The following ATG5 variants were observed in gnomAD, a reference collection of about 807,000 sequenced individuals.
The protein encoded by ATG5 is autophagy related 5.
A neutral mutation model predicts 36.5 loss-of-function variants in ATG5; 14 were observed. The observed-to-expected ratio is 0.38, with a 90% CI of 0.25 to 0.60. The LOEUF (loss-of-function observed/expected upper bound fraction) is 0.60. Ranked by LOEUF, ATG5 falls within the 20% of genes least tolerant of loss-of-function variation. ATG5 has a pLI of 0.60. For missense variants in ATG5, 195 were observed against 326.7 expected, an observed-to-expected ratio of 0.60 and a Z score of 3.11; for synonymous variants, 95 against 101.5, an observed-to-expected ratio of 0.94 and a Z score of 0.38.
chr6:106,251,805 T>C (rs898155151), intron 5 of ATG5, among the ~76,000 whole-genome samples: 3 of 150,806 alleles, frequency 2.0e-5, no homozygotes, highest in South Asian at 2.1e-4. Flanking sequence ...AGTGTTGAGA[T>C]TGAAGGAATA....
intron 6 of ATG5, among the ~76,000 whole-genome samples, chr6:106,214,743 C>T (rs1055285813): frequency 1.3e-5 from 2 of 152,116 alleles, no homozygotes; most frequent in Non-Finnish European, 2.9e-5. Context: ...GACTGAATAA[C>T]GTGTGGTACA....
chr6:106,189,398 A>T (rs1775887994), intron 7 of ATG5, among the ~76,000 whole-genome samples: 1 of 152,094 alleles, frequency 6.6e-6, no homozygotes, highest in Admixed American at 6.6e-5. Flanking sequence ...TGAGCCCAGG[A>T]ATTTGAGACC....
chr6:106,321,868 T>G (rs1164265111), intron 1 of ATG5, among the ~76,000 whole-genome samples: 1 of 152,184 alleles, frequency 6.6e-6, no homozygotes, highest in Non-Finnish European at 1.5e-5. Context: ...ATCACCAATA[T>G]TAGTACAGTT....
chr6:106,230,891 T>C (rs1234996856), intron 6 of ATG5, among the ~76,000 whole-genome samples: 1 of 152,130 alleles, frequency 6.6e-6, no homozygotes, highest in Non-Finnish European at 1.5e-5. Context: ...GTGTGAAGTG[T>C]CATACGTACA....
intron 5 of ATG5, among the ~76,000 whole-genome samples, chr6:106,254,045 C>T (rs771950704): frequency 6.6e-6 from 1 of 152,164 alleles, no homozygotes; most frequent in Non-Finnish European, 1.5e-5. Flanking sequence ...AAGTTACTAC[C>T]TACCTTACTT....
rs1047078625 is a variant in ATG5 at position 106,185,299 on chromosome 6, G to A, written c.*1241C>T. On this transcript the variant is annotated 3_prime_UTR_variant, in exon 8 of 8. Coordinates refer to ENST00000369076, the MANE Select transcript of ATG5 (RefSeq NM_004849.4). ...TATTATGGGATCTAAAACCATGATCGTGTCTGATACTGTAAGCCTTTTAGC... is the reference window on the plus strand; with the variant it reads ...TATTATGGGATCTAAAACCATGATCATGTCTGATACTGTAAGCCTTTTAGC... 5.9e-5 allele frequency: 9 copies of A among 152,674 alleles called. No individual in the cohort carries two copies. The highest frequency in any genetic ancestry group is 1.9e-4 in the African/African-American group (8 of 41,430). The allele number at this position is 152,674 out of a possible 1,614,324, so 9.5% of individuals were successfully genotyped here. A position where few individuals can be genotyped will look rare whatever the true frequency, so the allele number is the denominator to read the frequency against.
chr6:106,199,571 A>C (rs1180781237), intron 7 of ATG5, among the ~76,000 whole-genome samples: 1 of 152,252 alleles, frequency 6.6e-6, no homozygotes, highest in Non-Finnish European at 1.5e-5. Flanking sequence ...GAGATTAGCT[A>C]CAAGTAAGTA....
At chr6:106,298,196 T>A (rs977008316) in intron 3 of ATG5, among the ~76,000 whole-genome samples, 9 of 151,932 alleles carry the variant, frequency 5.9e-5, no homozygotes, top group Non-Finnish European at 1.3e-4. Context: ...TCTGACCTCA[T>A]GATCTGTCCG....
chr6:106,186,968 G>A (rs746697798), intron 7 of ATG5, among the ~76,000 whole-genome samples: 1 of 152,106 alleles, frequency 6.6e-6, no homozygotes, highest in Non-Finnish European at 1.5e-5. Flanking sequence ...AACTGTAGTG[G>A]CAAAAACAGC....
intron 5 of ATG5, among the ~76,000 whole-genome samples, chr6:106,265,169 A>C (rs1779180188): frequency 9.5e-6 from 1 of 105,362 alleles, no homozygotes; most frequent in South Asian, 2.8e-4. Context: ...AATGGAAAGC[A>C]AAAAAAAAAA....
intron 2 of ATG5, among the ~76,000 whole-genome samples, chr6:106,313,035 G>A (rs1256680259): frequency 6.6e-6 from 1 of 152,162 alleles, no homozygotes; most frequent in African/African-American, 2.4e-5. Flanking sequence ...AAACTGTGAA[G>A]GAGCCAGCAG....
At chr6:106,207,491 A>G (rs1375782481) in intron 6 of ATG5, among the ~76,000 whole-genome samples, 1 of 151,566 alleles carries the variant, frequency 6.6e-6, no homozygotes, top group Non-Finnish European at 1.5e-5. Flanking sequence ...GCTTGAGCCC[A>G]TGAGTTTGAG....
chr6:106,246,285 T>A (rs1438626760), intron 6 of ATG5, among the ~76,000 whole-genome samples: 1 of 151,920 alleles, frequency 6.6e-6, no homozygotes, highest in Non-Finnish European at 1.5e-5. Context: ...CAGCCAGGTT[T>A]TGTCAAGCAA....
intron 6 of ATG5, among the ~76,000 whole-genome samples, chr6:106,220,796 T>A (rs958704777): frequency 2.0e-5 from 3 of 152,114 alleles, no homozygotes; most frequent in African/African-American, 7.2e-5. Context: ...GTTTTCACTA[T>A]GGAAATAGGT....
At chr6:106,196,796 C>T (rs1200148062) in intron 7 of ATG5, among the ~76,000 whole-genome samples, 1 of 149,970 alleles carries the variant, frequency 6.7e-6, no homozygotes, top group East Asian at 1.9e-4. Flanking sequence ...AGTATTAACA[C>T]CCAACTAATT....
At chr6:106,215,609 CTATTAAAAATA>C (rs1409261060) in intron 6 of ATG5, among the ~76,000 whole-genome samples, 6 of 151,758 alleles carry the variant, frequency 4.0e-5, no homozygotes, top group African/African-American at 1.5e-4. Flanking sequence ...CACTTGAATA[CTATTAAAAATA>C]TATTAAAAAG....
chr6:106,313,392 C>CAT (rs1175299164), intron 2 of ATG5, among the ~76,000 whole-genome samples: 4 of 152,172 alleles, frequency 2.6e-5, no homozygotes, highest in African/African-American at 9.7e-5. Context: ...ACTAAGGATA[C>CAT]ATAAACGGAT....
At chr6:106,316,314 G>A in intron 1 of ATG5, 48 bp from the exon 2 acceptor site, 1 of 606,950 alleles carries the variant, frequency 1.6e-6, no homozygotes, top group Non-Finnish European at 2.7e-6. Context: ...AACGATGAAT[G>A]AACCTGCTAG....
At chr6:106,257,676 G>A (rs1778852500) in intron 5 of ATG5, among the ~76,000 whole-genome samples, 2 of 152,130 alleles carry the variant, frequency 1.3e-5, no homozygotes, top group Non-Finnish European at 2.9e-5. Context: ...ATTCTTGTGA[G>A]GAATCACTCT....
Sources: gnomAD v4.1 joint callset for allele counts (sites outside exome capture counted in the v4.1 genomes callset) on GRCh38, gnomAD v4.1.1 for gene constraint, MANE v1.5 for transcripts, NCBI Gene and HGNC (gene_info 2026-07-23, HGNC 2026-07-21) for gene names.